CCDC85A: variants seen among roughly 807,000 people sequenced by gnomAD.
CCDC85A encodes the protein coiled-coil domain-containing protein 85A.
In CCDC85A, 38 loss-of-function variants were observed where a neutral mutation model predicts 50.2. The ratio of observed to expected loss-of-function variants is 0.76; its 90% CI spans 0.58 to 0.99. The LOEUF is 0.99. CCDC85A is among the 50% of genes least tolerant of loss of function. The pLI is 0.00. For missense variants in CCDC85A, 820 were observed against 742.0 expected (o/e 1.11, Z -1.22); for synonymous variants, 366 against 301.4 (o/e 1.21, Z -2.22).
chr2:56,271,305 C>G (rs556623396), intron 2 of CCDC85A, among the ~76,000 whole-genome samples: 1 of 151,988 alleles, frequency 6.6e-6, no homozygotes, highest in Non-Finnish European at 1.5e-5. Context: ...ATATAGCATG[C>G]GTGTTTAGGT....
At chr2:56,306,423 T>C (rs1672451035) in intron 2 of CCDC85A, among the ~76,000 whole-genome samples, 1 of 152,166 alleles carries the variant, frequency 6.6e-6, no homozygotes, top group Non-Finnish European at 1.5e-5. Flanking sequence ...CCGCTGTGCC[T>C]GGCCCAGATC....
chr2:56,281,596 G>C (rs1671210461), intron 2 of CCDC85A, among the ~76,000 whole-genome samples: 1 of 152,082 alleles, frequency 6.6e-6, no homozygotes, highest in Non-Finnish European at 1.5e-5. Flanking sequence ...GGTATGGTAA[G>C]GCTTTTTTAT....
rs781482057 is a variant in CCDC85A at position 56,354,527 on chromosome 2, T to A, written c.1317+11572T>A. 4.6e-4 allele frequency among the ~76,000 whole-genome samples: 70 copies of A among 152,346 alleles called. 1 individual carries two copies. The Middle Eastern group carries it at 0.017, about 37-fold the overall frequency. On this transcript the variant is annotated intron_variant, in intron 3 of 5. Transcript: ENST00000407595. ...TAGCCACTAAGAAGTGGATGAGGCC[T>A]TTCTTTAGATTTTCTGGTTGACATC...
chr2:56,258,812 C>A (rs142817382), intron 2 of CCDC85A, among the ~76,000 whole-genome samples: 5 of 152,026 alleles, frequency 3.3e-5, no homozygotes, highest in African/African-American at 1.2e-4. Context: ...AACTGAAGTA[C>A]GGAGATTTTG....
intron 2 of CCDC85A, among the ~76,000 whole-genome samples, chr2:56,236,718 G>A (rs1669030594): frequency 6.6e-6 from 1 of 152,136 alleles, no homozygotes; most frequent in Non-Finnish European, 1.5e-5. Flanking sequence ...CCTAGTGGAG[G>A]CATGACGAGA....
intron 2 of CCDC85A, among the ~76,000 whole-genome samples, chr2:56,293,101 T>A (rs1262600506): frequency 6.6e-6 from 1 of 152,188 alleles, no homozygotes; most frequent in Non-Finnish European, 1.5e-5. Flanking sequence ...CCCTGGGTAC[T>A]GGCTGGCAGC....
intron 2 of CCDC85A, among the ~76,000 whole-genome samples, chr2:56,194,235 C>T (rs537701311): frequency 6.6e-5 from 10 of 152,328 alleles, no homozygotes; most frequent in African/African-American, 2.2e-4. Context: ...TAAAGCATAA[C>T]GTCCACTACA....
At chr2:56,293,487 T>A (rs1671809250) in intron 2 of CCDC85A, among the ~76,000 whole-genome samples, 1 of 152,088 alleles carries the variant, frequency 6.6e-6, no homozygotes, top group Non-Finnish European at 1.5e-5. Flanking sequence ...TGGGATCTAA[T>A]TAAACTAAAG....
At chr2:56,279,232 C>T (rs1228579995) in intron 2 of CCDC85A, among the ~76,000 whole-genome samples, 3 of 152,200 alleles carry the variant, frequency 2.0e-5, no homozygotes, top group Non-Finnish European at 4.4e-5. Context: ...ATTTCCAAAG[C>T]CCTGGACAGG....
chr2:56,338,288 C>G (rs764824267), intron 2 of CCDC85A, among the ~76,000 whole-genome samples: 1 of 152,144 alleles, frequency 6.6e-6, no homozygotes, highest in Non-Finnish European at 1.5e-5. Context: ...CTATTAATGA[C>G]TTTATGATAA....
At chr2:56,235,450 T>A (rs1411022302) in intron 2 of CCDC85A, 1 of 151,984 alleles carries the variant, frequency 6.6e-6, no homozygotes, top group East Asian at 1.9e-4. Context: ...TTGATACTGG[T>A]TTTTGAGCAT....
At chr2:56,219,173 A>G (rs147689684) in intron 2 of CCDC85A, among the ~76,000 whole-genome samples, 6 of 149,302 alleles carry the variant, frequency 4.0e-5, no homozygotes, top group African/African-American at 9.9e-5. Context: ...CCTTAAGCCC[A>G]CTACCAAAAG....
At chr2:56,291,713 A>G (rs1189576669) in intron 2 of CCDC85A, among the ~76,000 whole-genome samples, 1 of 151,840 alleles carries the variant, frequency 6.6e-6, no homozygotes, top group Admixed American at 6.6e-5. Flanking sequence ...TAGATAGAAC[A>G]CGTAAGGCCC....
intron 3 of CCDC85A, among the ~76,000 whole-genome samples, chr2:56,344,958 A>C (rs754151299): frequency 1.3e-5 from 2 of 152,122 alleles, no homozygotes; most frequent in African/African-American, 2.4e-5. Context: ...AACAAATGTG[A>C]AAATGATGAC....
chr2:56,356,504 C>G (rs1000998577), intron 3 of CCDC85A, among the ~76,000 whole-genome samples: 1 of 152,118 alleles, frequency 6.6e-6, no homozygotes, highest in Non-Finnish European at 1.5e-5. Flanking sequence ...TAGGCTGAGC[C>G]AGGTGGATCA....
intron 1 of CCDC85A, among the ~76,000 whole-genome samples, chr2:56,187,479 G>A (rs970607697): frequency 6.6e-6 from 1 of 152,148 alleles, no homozygotes; most frequent in Admixed American, 6.5e-5. Context: ...GCAGTGCAGG[G>A]GCCCTGAGAA....
chr2:56,218,564 C>T lies in CCDC85A; in HGVS notation c.1240+25124C>T, dbSNP rs139663375. Among the ~76,000 whole-genome samples the T allele has an allele frequency of 2.6e-3, 401 of 151,912 alleles. 1 individual carries two copies. Among genetic ancestry groups the T allele is most frequent in the African/African-American group, 7.7e-3 (320 of 41,470 alleles). On this transcript the variant is annotated intron_variant, in intron 2 of 5. Coordinates refer to ENST00000407595, the MANE Select transcript of CCDC85A (RefSeq NM_001080433.2). ...AGTCTACTTTTAAGGTAATAATCAC[C>T]AACTTTATAATATCACCACCATGTC...
chr2:56,210,548 T>C (rs1429594603), intron 2 of CCDC85A, among the ~76,000 whole-genome samples: 1 of 152,034 alleles, frequency 6.6e-6, no homozygotes, highest in Non-Finnish European at 1.5e-5. Context: ...TACTCCACAA[T>C]GTCTGGGGCT....
intron 2 of CCDC85A, among the ~76,000 whole-genome samples, chr2:56,333,476 G>T (rs1356218224): frequency 6.6e-6 from 1 of 152,192 alleles, no homozygotes; most frequent in Non-Finnish European, 1.5e-5. Context: ...ACAGGGCCCT[G>T]ATGGACTTTT....
Sources: gnomAD v4.1 joint callset for allele counts (sites outside exome capture counted in the v4.1 genomes callset) on GRCh38, gnomAD v4.1.1 for gene constraint, MANE v1.5 for transcripts, NCBI Gene and HGNC (gene_info 2026-07-23, HGNC 2026-07-21) for gene names.